The following MEGF6 variants were observed in gnomAD, a reference collection of about 807,000 sequenced individuals.
The protein encoded by MEGF6 is multiple EGF like domains 6.
A neutral mutation model predicts 207.1 loss-of-function variants in MEGF6; 184 were observed. The ratio of observed to expected loss-of-function variants is 0.89; its 90% confidence interval spans 0.79 to 1.00. The LOEUF is 1.00. MEGF6 is among the 50% of genes least tolerant of loss of function. MEGF6 has a pLI of 0.00. For synonymous variants in MEGF6, 1,038 were observed against 910.0 expected (o/e 1.14, Z -2.53); for missense variants, 2,282 against 2,202.9 (o/e 1.04, Z -0.72).
At chr1:3,572,812 GT>G (rs1218040525) in intron 4 of MEGF6, among the ~76,000 whole-genome samples, 5 of 143,412 alleles carry the variant, frequency 3.5e-5, no homozygotes, top group East Asian at 2.2e-4. Context: ...GGTCCTCCCT[GT>G]GTGTGCTGGG....
In MEGF6 at chr1:3,494,491, G is replaced by A; in HGVS notation, c.4009C>T (p.Pro1337Ser). ...TGRHCELACPPGRYGAACHLE... is the reference protein window; with the variant it reads ...TGRHCELACPSGRYGAACHLE... ...TGGCAGGCGGCTCCGTAGCGCCCAG[G>A]GGGACAGGCTGGGGACAGGGCAGGG... Residue 1337 changes from proline (P) to serine (S), a missense_variant, in exon 32 of 37, where the codon CCT (proline) becomes TCT (serine). Transcript: ENST00000356575. 5 of 1,590,424 alleles carry A rather than the reference G, an allele frequency of 3.1e-6. No homozygotes were observed. The South Asian group carries it at 3.4e-5, about 11-fold the overall frequency.
At chr1:3,564,489 C>A (rs1643292587) in intron 4 of MEGF6, among the ~76,000 whole-genome samples, 1 of 151,966 alleles carries the variant, frequency 6.6e-6, no homozygotes, top group Admixed American at 6.6e-5. Flanking sequence ...GTGTTCCTTC[C>A]CTCACATCTA....
intron 4 of MEGF6, among the ~76,000 whole-genome samples, chr1:3,548,404 CGG>C (rs1400418861): frequency 6.6e-6 from 1 of 152,248 alleles, no homozygotes; most frequent in African/African-American, 2.4e-5. Flanking sequence ...CAGCCGTCTC[CGG>C]ACTGTTGGAA....
chr1:3,496,882 A>G (rs185231077), intron 28 of MEGF6, 99 bp from the exon 29 acceptor site: 5 of 1,519,018 alleles, frequency 3.3e-6, no homozygotes, highest in African/African-American at 1.4e-5. Flanking sequence ...CACACCCTCC[A>G]TCTTCCACCC....
At chr1:3,619,403 C>G in the MEGF6 span, among the ~76,000 whole-genome samples, 3 of 152,198 alleles carry the variant, frequency 2.0e-5, no homozygotes, top group Admixed American at 2.0e-4. Context: ...AGGCACAGTC[C>G]AGTCTTAACC....
intron 17 of MEGF6, among the ~76,000 whole-genome samples, chr1:3,504,214 C>A (rs746593669): frequency 6.6e-6 from 1 of 152,178 alleles, no homozygotes; most frequent in African/African-American, 2.4e-5. Flanking sequence ...GGTCACACAG[C>A]AGGCCCTCGT....
At chr1:3,571,727 T>TTCCAGGTGG (rs1643500222) in intron 4 of MEGF6, among the ~76,000 whole-genome samples, 1 of 119,636 alleles carries the variant, frequency 8.4e-6, no homozygotes, top group African/African-American at 4.7e-5. Flanking sequence ...GCTGGGTCCT[T>TTCCAGGTGG]GCGGGTGCAC....
intron 3 of MEGF6, among the ~76,000 whole-genome samples, chr1:3,591,129 C>T (rs190169169): frequency 2.6e-5 from 4 of 152,320 alleles, no homozygotes; most frequent in South Asian, 2.1e-4. Flanking sequence ...CACAAGCCCC[C>T]GACCCCACCA....
chr1:3,506,815 C>G (rs1300298715), intron 14 of MEGF6, among the ~76,000 whole-genome samples: 3 of 152,218 alleles, frequency 2.0e-5, no homozygotes, highest in African/African-American at 7.2e-5. Context: ...GCATTTCTTG[C>G]AACAGTGCTT....
intron 4 of MEGF6, among the ~76,000 whole-genome samples, chr1:3,578,216 C>T (rs1394631607): frequency 6.6e-6 from 1 of 152,228 alleles, no homozygotes; most frequent in Non-Finnish European, 1.5e-5. Context: ...GAGCCACAGC[C>T]CCGTCCCGGA....
At position 3,565,771 on chromosome 1, in the gene MEGF6, G is replaced by A. The variant is rs761651185; in HGVS notation, c.481+14054C>T. Among the ~76,000 whole-genome samples, 5 of 152,172 alleles carry A rather than the reference G, an allele frequency of 3.3e-5. No individual in the cohort carries two copies. The highest frequency in any genetic ancestry group is 1.9e-4 in the East Asian group (1 of 5,184). Reference sequence around the variant, plus strand: ...GGGACCCCCAAGTGGAGGTGGCCACGTCACCAAGAACAGAAGTGCGTGTGG... The same window carrying A: ...GGGACCCCCAAGTGGAGGTGGCCACATCACCAAGAACAGAAGTGCGTGTGG... On this transcript the variant is annotated intron_variant, in intron 4 of 36. Coordinates refer to ENST00000356575, the MANE Select transcript of MEGF6 (RefSeq NM_001409.4). The surrounding 1 kb of genome is among the most constrained non-coding windows in gnomAD (Gnocchi z 4.8).
At chr1:3,549,400 C>A (rs990472768) in intron 4 of MEGF6, among the ~76,000 whole-genome samples, 1 of 152,216 alleles carries the variant, frequency 6.6e-6, no homozygotes, top group Non-Finnish European at 1.5e-5. Context: ...AGTTCAGCTC[C>A]AGAAGCAGGT....
chr1:3,600,572 C>T (rs1433566575), intron 2 of MEGF6, among the ~76,000 whole-genome samples: 2 of 152,168 alleles, frequency 1.3e-5, no homozygotes, highest in Non-Finnish European at 2.9e-5. Context: ...GTGCTCCAGG[C>T]ACCACCCAAA....
chr1:3,530,952 G>C (rs1457767951), intron 4 of MEGF6: 1 of 1,282,566 alleles, frequency 7.8e-7, no homozygotes. Flanking sequence ...GCCGGGCACT[G>C]CCCCGCCCTG....
chr1:3,548,197 C>T (rs895140126), intron 4 of MEGF6, among the ~76,000 whole-genome samples: 14 of 152,212 alleles, frequency 9.2e-5, no homozygotes, highest in African/African-American at 2.4e-4. Context: ...AAGATGAGGC[C>T]GACCTTTCCC....
chr1:3,517,354 C>T (rs527668072), intron 5 of MEGF6, among the ~76,000 whole-genome samples: 6 of 152,296 alleles, frequency 3.9e-5, no homozygotes, highest in South Asian at 2.1e-4. Flanking sequence ...GGGCATGGCG[C>T]GCACTGGAGC....
At chr1:3,595,218 T>TC in intron 3 of MEGF6, 120 bp downstream of exon 3, 1 of 670,750 alleles carries the variant, frequency 1.5e-6, no homozygotes, top group South Asian at 1.9e-5. Context: ...GAGTGTTCCC[T>TC]GAGTCTCTCG....
chr1:3,623,262 T>A, the MEGF6 span: 1 of 152,268 alleles, frequency 6.6e-6, no homozygotes, highest in Admixed American at 6.5e-5. Flanking sequence ...AGCTTGCAGC[T>A]GTCCAGGTAT....
At chr1:3,535,997 G>T (rs1346649408) in intron 4 of MEGF6, among the ~76,000 whole-genome samples, 4 of 152,190 alleles carry the variant, frequency 2.6e-5, no homozygotes, top group African/African-American at 9.7e-5. Flanking sequence ...TCTCCAAGGG[G>T]GCATCCCTGG....
Sources: gnomAD v4.1 joint callset for allele counts (sites outside exome capture counted in the v4.1 genomes callset) on GRCh38, gnomAD v4.1.1 for gene constraint, Gnocchi (gnomAD v3.1) non-coding constraint, MANE v1.5 for transcripts, NCBI Gene and HGNC (gene_info 2026-07-23, HGNC 2026-07-21) for gene names.